The following WWOX variants were observed in gnomAD, a reference collection of about 807,000 sequenced individuals.
WWOX encodes the protein WW domain-containing oxidoreductase.
WWOX carries 69 observed loss-of-function variants against 46.2 expected under a neutral mutation model. The observed-to-expected ratio is 1.49, with a 90% CI of 1.23 to 1.82. WWOX has a LOEUF of 1.82. WWOX is among the 40% of genes most tolerant of loss of function. WWOX has a pLI of 0.00. For synonymous variants in WWOX, 359 were observed against 202.6 expected, an observed-to-expected ratio of 1.77 and a Z score of -6.56; for missense variants, 919 against 542.6, an observed-to-expected ratio of 1.69 and a Z score of -6.89.
chr16:78,472,105 T>A (rs2084237238), intron 8 of WWOX, among the ~76,000 whole-genome samples: 1 of 152,174 alleles, frequency 6.6e-6, no homozygotes, highest in African/African-American at 2.4e-5. Flanking sequence ...GACAGAGAGT[T>A]GAGGAAAGCT....
chr16:78,667,228 T>A (rs1299237196), intron 8 of WWOX, among the ~76,000 whole-genome samples: 1 of 152,218 alleles, frequency 6.6e-6, no homozygotes, highest in African/African-American at 2.4e-5. Context: ...AAATTTTAGG[T>A]TTCTGCCCCT....
chr16:78,706,251 AC>A (rs2048326728), intron 8 of WWOX, among the ~76,000 whole-genome samples: 1 of 151,926 alleles, frequency 6.6e-6, no homozygotes, highest in Non-Finnish European at 1.5e-5. Flanking sequence ...TCCTTATTTG[AC>A]CCATATAAAC....
chr16:79,006,126 C>T (rs908823999), intron 8 of WWOX, among the ~76,000 whole-genome samples: 13 of 152,178 alleles, frequency 8.5e-5, no homozygotes, highest in African/African-American at 2.4e-5. Context: ...GTGGCAGTGG[C>T]TGGCAACAAA....
intron 4 of WWOX, among the ~76,000 whole-genome samples, chr16:78,148,387 T>C (rs1255827624): frequency 1.3e-5 from 2 of 152,042 alleles, no homozygotes; most frequent in East Asian, 3.9e-4. Context: ...AGACAGCACG[T>C]GTAGGGGGTG....
chr16:79,022,697 G>C lies in WWOX; in HGVS notation c.1057-188911G>C, dbSNP rs8045360. ...CAAATGATATGCACTGATGTAAGGGGCTGGAGCCCAAGAGGGAGGGGAGGC... is the reference window on the plus strand; with the variant it reads ...CAAATGATATGCACTGATGTAAGGGCCTGGAGCCCAAGAGGGAGGGGAGGC... On this transcript the variant is annotated intron_variant, in intron 8 of 8. Transcript: ENST00000566780. Among the ~76,000 whole-genome samples, 1,074 of 152,256 alleles carry C rather than the reference G, an allele frequency of 7.1e-3. 7 individuals carry two copies. The highest frequency in any genetic ancestry group is 0.023 in the African/African-American group (953 of 41,554).
chr16:78,152,946 G>T (rs2034467966), intron 4 of WWOX, among the ~76,000 whole-genome samples: 1 of 152,150 alleles, frequency 6.6e-6, no homozygotes, highest in Admixed American at 6.5e-5. Flanking sequence ...TGTTATTAGG[G>T]CTATTTAGGA....
intron 5 of WWOX, among the ~76,000 whole-genome samples, chr16:78,216,860 T>C (rs1477652164): frequency 6.6e-6 from 1 of 152,102 alleles, no homozygotes; most frequent in East Asian, 1.9e-4. Flanking sequence ...GCCTCCTGAG[T>C]ACCTGGGACC....
intron 6 of WWOX, among the ~76,000 whole-genome samples, chr16:78,411,643 A>G (rs994990422): frequency 6.6e-6 from 1 of 152,204 alleles, no homozygotes; most frequent in African/African-American, 2.4e-5. Context: ...GAGAATGGGT[A>G]GGTAAGATTA....
intron 8 of WWOX, among the ~76,000 whole-genome samples, chr16:79,195,512 C>T (rs2051222135): frequency 6.6e-6 from 1 of 152,110 alleles, no homozygotes; most frequent in Non-Finnish European, 1.5e-5. Context: ...AAATGAGTGC[C>T]TCCTGGCCCA....
At chr16:78,174,504 A>T (rs780144297) in intron 5 of WWOX, among the ~76,000 whole-genome samples, 7 of 152,272 alleles carry the variant, frequency 4.6e-5, no homozygotes, top group Non-Finnish European at 8.8e-5. Flanking sequence ...ACAGCATTCT[A>T]CCCCAGCCCT....
chr16:78,293,419 A>T (rs1851804945), intron 5 of WWOX, among the ~76,000 whole-genome samples: 8 of 152,108 alleles, frequency 5.3e-5, no homozygotes, highest in Admixed American at 3.3e-4. Flanking sequence ...ATCCCCTGGG[A>T]TAACCTAGCA....
At chr16:78,513,868 T>C (rs2085422851) in intron 8 of WWOX, among the ~76,000 whole-genome samples, 1 of 151,984 alleles carries the variant, frequency 6.6e-6, no homozygotes, top group Non-Finnish European at 1.5e-5. Context: ...AAACAGTGTT[T>C]TCTAAATTTA....
chr16:78,179,024 G>A (rs1448851793), intron 5 of WWOX, among the ~76,000 whole-genome samples: 1 of 152,118 alleles, frequency 6.6e-6, no homozygotes, highest in Non-Finnish European at 1.5e-5. Flanking sequence ...CACTTGGCAG[G>A]GGTGTTCATG....
intron 8 of WWOX, among the ~76,000 whole-genome samples, chr16:79,187,437 G>A (rs191512399): frequency 2.6e-5 from 4 of 152,196 alleles, no homozygotes; most frequent in Non-Finnish European, 4.4e-5. Flanking sequence ...GTATCGCTCT[G>A]TCACCCAGGC....
intron 8 of WWOX, among the ~76,000 whole-genome samples, chr16:78,434,054 G>C (rs1395684069): frequency 6.6e-6 from 1 of 152,154 alleles, no homozygotes; most frequent in Non-Finnish European, 1.5e-5. Context: ...CTCCCAAAGT[G>C]CTGGGATTAC....
chr16:78,887,985 A>G (rs555291330), intron 8 of WWOX, among the ~76,000 whole-genome samples: 1 of 152,236 alleles, frequency 6.6e-6, no homozygotes, highest in African/African-American at 2.4e-5. Context: ...CTTTGGCGAC[A>G]TGACATCCCA....
At chr16:79,130,075 T>C (rs1323471687) in intron 8 of WWOX, among the ~76,000 whole-genome samples, 1 of 152,220 alleles carries the variant, frequency 6.6e-6, no homozygotes, top group African/African-American at 2.4e-5. Flanking sequence ...AATAACCGTG[T>C]AAGGTTGCCA....
chr16:78,869,918 A>C (rs1157620224), intron 8 of WWOX, among the ~76,000 whole-genome samples: 2 of 152,120 alleles, frequency 1.3e-5, no homozygotes, highest in Admixed American at 1.3e-4. Context: ...AGAACATGGG[A>C]TTTATCATTG....
intron 8 of WWOX, among the ~76,000 whole-genome samples, chr16:79,142,912 C>G (rs749493946): frequency 2.6e-5 from 4 of 152,012 alleles, no homozygotes; most frequent in Non-Finnish European, 5.9e-5. Context: ...CCTTATTGCC[C>G]AGGCTGATCT....
Sources: allele counts gnomAD v4.1 joint callset (sites outside exome capture counted in the v4.1 genomes callset), GRCh38; gene constraint gnomAD v4.1.1; transcripts MANE v1.5; gene names NCBI Gene and HGNC (gene_info 2026-07-23, HGNC 2026-07-21).